The following ADGRL3 variants were observed in gnomAD, a reference collection of about 807,000 sequenced individuals.
The protein encoded by ADGRL3 is adhesion G protein-coupled receptor L3.
ADGRL3 carries 62 observed loss-of-function variants against 153.5 expected under a neutral mutation model. The ratio of observed to expected loss-of-function variants is 0.40; its 90% CI spans 0.33 to 0.50. The LOEUF (loss-of-function observed/expected upper bound fraction) is 0.50, where lower values mean the gene tolerates loss of function less well. ADGRL3 is among the 20% of genes least tolerant of loss of function. The pLI is 0.47. For synonymous variants in ADGRL3, 710 were observed against 672.5 expected (o/e 1.06, Z -0.86); for missense variants, 1,641 against 1,859.4 (o/e 0.88, Z 2.16).
chr4:62,007,911 A>T (rs547335258), intron 21 of ADGRL3, among the ~76,000 whole-genome samples: 2 of 152,264 alleles, frequency 1.3e-5, no homozygotes, highest in East Asian at 3.9e-4. Flanking sequence ...TTAGAAGTGT[A>T]GAACCTGCAA....
chr4:61,754,388 G>A (rs2096794684), intron 8 of ADGRL3, among the ~76,000 whole-genome samples: 2 of 151,894 alleles, frequency 1.3e-5, no homozygotes, highest in African/African-American at 4.8e-5. Flanking sequence ...TTCCCAGATT[G>A]TTGTAAGGTA....
chr4:61,536,471 T>G (rs2098656982), intron 4 of ADGRL3, among the ~76,000 whole-genome samples: 1 of 152,118 alleles, frequency 6.6e-6, no homozygotes, highest in African/African-American at 2.4e-5. Context: ...CTGCTCTCAG[T>G]GCGGTGTTGA....
At chr4:61,352,172 T>G (rs1218852139) in intron 1 of ADGRL3, among the ~76,000 whole-genome samples, 1 of 152,116 alleles carries the variant, frequency 6.6e-6, no homozygotes, top group Non-Finnish European at 1.5e-5. Context: ...GTGGAGGAAG[T>G]AACTGCAAAT....
At chr4:61,613,579 A>T (rs1413046815) in intron 5 of ADGRL3, among the ~76,000 whole-genome samples, 1 of 152,128 alleles carries the variant, frequency 6.6e-6, no homozygotes, top group Non-Finnish European at 1.5e-5. Flanking sequence ...CCCTGTCTCT[A>T]CTAAAAATAC....
chr4:61,735,467 T>A (rs779247469), intron 8 of ADGRL3, among the ~76,000 whole-genome samples: 28 of 152,144 alleles, frequency 1.8e-4, no homozygotes, highest in Non-Finnish European at 4.0e-4. Context: ...ACAGGTAAGG[T>A]TTTTTGTTTG....
intron 8 of ADGRL3, among the ~76,000 whole-genome samples, chr4:61,750,960 A>G (rs2096750168): frequency 6.6e-6 from 1 of 152,176 alleles, no homozygotes; most frequent in Non-Finnish European, 1.5e-5. Flanking sequence ...GAGCAGGGCC[A>G]TACAGCAGAA....
chr4:61,815,646 T>C (rs2097679841), intron 9 of ADGRL3, among the ~76,000 whole-genome samples: 1 of 152,232 alleles, frequency 6.6e-6, no homozygotes, highest in South Asian at 2.1e-4. Context: ...CTGCCAAAAT[T>C]CATATTGAAA....
At chr4:61,996,250 C>T (rs759709976) in intron 19 of ADGRL3, 41 bp from the exon 20 acceptor site, 5 of 1,349,938 alleles carry the variant, frequency 3.7e-6, no homozygotes, top group Non-Finnish European at 5.3e-6. Flanking sequence ...TGTCCCATAC[C>T]CAGTCCTTGA....
intron 9 of ADGRL3, among the ~76,000 whole-genome samples, chr4:61,857,013 T>TTTCTTTCC (rs1695321133): frequency 1.4e-5 from 2 of 139,694 alleles, no homozygotes; most frequent in African/African-American, 5.4e-5. Context: ...TCTTTCTTTC[T>TTTCTTTCC]TTCCTTCCTC....
intron 5 of ADGRL3, among the ~76,000 whole-genome samples, chr4:61,599,602 A>C (rs762205031): frequency 7.9e-5 from 12 of 152,014 alleles, no homozygotes; most frequent in Non-Finnish European, 1.5e-4. Context: ...CAAAGTGCTG[A>C]GATTACAGGC....
chr4:61,368,107 G>C (rs1578465465), intron 1 of ADGRL3, among the ~76,000 whole-genome samples: 1 of 151,674 alleles, frequency 6.6e-6, no homozygotes, highest in Non-Finnish European at 1.5e-5. Context: ...CTGTAAATTT[G>C]TTTGAGTTCA....
At chr4:61,329,513 T>C (rs1307631583) in intron 1 of ADGRL3, among the ~76,000 whole-genome samples, 1 of 152,114 alleles carries the variant, frequency 6.6e-6, no homozygotes, top group Non-Finnish European at 1.5e-5. Flanking sequence ...TTATAAAAAA[T>C]GATAGATGCT....
Position 61,726,210 on chromosome 4 carries a change from G to GTTTTTTTTTTTTTTTTTTT in ADGRL3, c.584-4406_584-4405insTTTTTTTTTTTTTTTTTTT, listed in dbSNP as rs149472429. The stretch of plus-strand genomic sequence containing the variant: ...AATACTCACTGGAACTTTTTTTTTT[G>GTTTTTTTTTTTTTTTTTTT]TTTTTTGAGAAGGAGTCTCACCCTG... On this transcript the variant is annotated intron_variant, in intron 6 of 26. Transcript: ENST00000683033. Among the ~76,000 whole-genome samples the GTTTTTTTTTTTTTTTTTTT allele has an allele frequency of 1.8e-4, 21 of 118,506 alleles. 2 individuals carry two copies. Among genetic ancestry groups the GTTTTTTTTTTTTTTTTTTT allele is most frequent in the East Asian group, 5.1e-4 (2 of 3,898 alleles). The allele number at this position is 118,506 out of a possible 152,430, so 77.7% of individuals were successfully genotyped here. A position where few individuals can be genotyped will look rare whatever the true frequency, so the allele number is the denominator to read the frequency against.
chr4:61,520,907 G>A (rs981752300), intron 4 of ADGRL3, among the ~76,000 whole-genome samples: 26 of 151,836 alleles, frequency 1.7e-4, no homozygotes, highest in African/African-American at 5.8e-4. Context: ...CTGTCAGCCT[G>A]AATTGTGCAC....
intron 3 of ADGRL3, among the ~76,000 whole-genome samples, chr4:61,510,314 A>T (rs543414558): frequency 6.6e-6 from 1 of 152,222 alleles, no homozygotes; most frequent in South Asian, 2.1e-4. Flanking sequence ...TTTTGAGGAC[A>T]GTCATAAATT....
At chr4:61,820,549 A>G (rs1181464586) in intron 9 of ADGRL3, among the ~76,000 whole-genome samples, 2 of 152,170 alleles carry the variant, frequency 1.3e-5, no homozygotes, top group Non-Finnish European at 2.9e-5. Context: ...ATTAATCAGG[A>G]CTTTTTTAAA....
At chr4:61,719,306 T>C (rs760442434) in intron 6 of ADGRL3, among the ~76,000 whole-genome samples, 3 of 152,136 alleles carry the variant, frequency 2.0e-5, no homozygotes, top group African/African-American at 4.8e-5. Context: ...TCATAAAGAG[T>C]GGAAAATAAG....
At chr4:61,393,096 C>T (rs1030165375) in intron 2 of ADGRL3, among the ~76,000 whole-genome samples, 2 of 152,082 alleles carry the variant, frequency 1.3e-5, no homozygotes, top group African/African-American at 4.8e-5. Context: ...GGACACACCA[C>T]ACAGTCTCCC....
intron 3 of ADGRL3, among the ~76,000 whole-genome samples, chr4:61,505,399 A>G (rs1230788708): frequency 6.6e-6 from 1 of 151,998 alleles, no homozygotes; most frequent in African/African-American, 2.4e-5. Context: ...TGTTATTATG[A>G]CTATAAAAAT....
Sources: gnomAD v4.1 joint callset for allele counts (sites outside exome capture counted in the v4.1 genomes callset) on GRCh38, gnomAD v4.1.1 for gene constraint, MANE v1.5 for transcripts, NCBI Gene and HGNC (gene_info 2026-07-23, HGNC 2026-07-21) for gene names.